BRD4: variants seen among roughly 807,000 people sequenced by gnomAD.
BRD4 encodes bromodomain-containing protein 4.
In BRD4, 16 loss-of-function variants were observed where a neutral mutation model predicts 142.1. That is an observed-to-expected ratio of 0.11 (90% confidence interval 0.08 to 0.17). The LOEUF (loss-of-function observed/expected upper bound fraction) is 0.17, where lower values mean the gene tolerates loss of function less well. Among genes scored for constraint, BRD4 ranks in the 10% least tolerant of loss-of-function variants. BRD4 has a pLI of 1.00. For missense variants in BRD4, 1,424 were observed against 1,810.9 expected (o/e 0.79, Z 3.88); for synonymous variants, 833 against 707.5 (o/e 1.18, Z -2.82).
chr19:15,316,724 A>C (rs1200579907), intron 1 of BRD4, among the ~76,000 whole-genome samples: 1 of 152,246 alleles, frequency 6.6e-6, no homozygotes, highest in African/African-American at 2.4e-5. Context: ...ACTCCTCAGG[A>C]GGGAAGCACT....
At chr19:15,295,903 G>A (rs2047818981) in intron 1 of BRD4, among the ~76,000 whole-genome samples, 1 of 152,000 alleles carries the variant, frequency 6.6e-6, no homozygotes, top group African/African-American at 2.4e-5. Flanking sequence ...CCCGGCAAGT[G>A]GAGGTTGCAG....
chr19:15,261,983 A>G (rs2047476079), intron 7 of BRD4, among the ~76,000 whole-genome samples: 1 of 152,258 alleles, frequency 6.6e-6, no homozygotes. Context: ...AGTAAGAAAG[A>G]GACCAACAAA....
At chr19:15,287,788 T>C (rs1213817176) in intron 1 of BRD4, among the ~76,000 whole-genome samples, 1 of 152,112 alleles carries the variant, frequency 6.6e-6, no homozygotes, top group Non-Finnish European at 1.5e-5. Context: ...TTTTTTTTTT[T>C]TGAGACAGTC....
intron 1 of BRD4, among the ~76,000 whole-genome samples, chr19:15,308,423 C>T (rs766384193): frequency 5.3e-5 from 8 of 150,862 alleles, no homozygotes; most frequent in Non-Finnish European, 1.0e-4. Context: ...CCTGTCTCTA[C>T]TAAAAATACA....
Position 15,237,872 on chromosome 19 carries a change from G to A in BRD4, c.*505C>T, listed in dbSNP as rs1430906555. On this transcript the variant is annotated 3_prime_UTR_variant, in exon 20 of 20. Coordinates refer to ENST00000679869, the MANE Select transcript of BRD4 (RefSeq NM_001379291.1). ...TCAAGGCAAAGTCAGTGCCAGCGAG[G>A]GGGTGGGCCGGCCTCGCCCGCCTCC... The A allele has an allele frequency of 8.4e-6, 2 of 238,084 alleles. No individual in the cohort carries two copies. The highest frequency in any genetic ancestry group is 2.2e-5 in the African/African-American group (1 of 45,346). The allele number at this position is 238,084 out of a possible 1,614,324, so 14.7% of individuals were successfully genotyped here.
At chr19:15,250,978 T>C (rs2145547570) in intron 11 of BRD4, among the ~76,000 whole-genome samples, 1 of 152,162 alleles carries the variant, frequency 6.6e-6, no homozygotes, top group South Asian at 2.1e-4. Flanking sequence ...CAATACAGAA[T>C]CCTCAAGCAG....
intron 1 of BRD4, among the ~76,000 whole-genome samples, chr19:15,316,357 G>A (rs1435243899): frequency 2.0e-5 from 3 of 151,906 alleles, no homozygotes; most frequent in African/African-American, 4.8e-5. Context: ...GTGAAGGCCC[G>A]GAGCGGTGGA....
intron 5 of BRD4, 147 bp downstream of exon 5, chr19:15,265,207 T>C (rs1489022533): frequency 1.2e-6 from 1 of 813,858 alleles, no homozygotes; most frequent in African/African-American, 1.7e-5. Flanking sequence ...GGCGGCTGTT[T>C]CTGGGCTGCA....
At chr19:15,245,281 C>G (rs903778489) in intron 11 of BRD4, among the ~76,000 whole-genome samples, 1 of 152,144 alleles carries the variant, frequency 6.6e-6, no homozygotes, top group Non-Finnish European at 1.5e-5. Context: ...AGGCCCACTC[C>G]TTTCCATCCT....
intron 1 of BRD4, among the ~76,000 whole-genome samples, chr19:15,317,446 A>G (rs544049932): frequency 3.3e-5 from 5 of 152,236 alleles, no homozygotes; most frequent in Non-Finnish European, 7.3e-5. Context: ...TGCAGTAAGC[A>G]ATAGAAAAAA....
intron 2 of BRD4, 107 bp from the exon 3 acceptor site, chr19:15,269,149 T>C: frequency 7.8e-7 from 1 of 1,282,138 alleles, no homozygotes; most frequent in Non-Finnish European, 1.1e-6. Flanking sequence ...GCTCCACAGG[T>C]AAATCCACGG....
In BRD4 at chr19:15,238,644, C is replaced by T; in HGVS notation, c.4020+99G>A. ...CATGCCGACCAGCAGGGACGGGGCTCCCCCGCTGCCCCTCCCTGTCCAGGC... is the reference window on the plus strand; with the variant it reads ...CATGCCGACCAGCAGGGACGGGGCTTCCCCGCTGCCCCTCCCTGTCCAGGC... On this transcript the variant is annotated intron_variant, in intron 19 of 19. Coordinates refer to ENST00000679869, the MANE Select transcript of BRD4 (RefSeq NM_001379291.1). The surrounding 1 kb of genome is among the most constrained non-coding windows in gnomAD (Gnocchi z 7.2). 3 of 1,453,028 alleles carry T rather than the reference C, an allele frequency of 2.1e-6. No homozygotes were observed. Among genetic ancestry groups the T allele is most frequent in the Non-Finnish European group, 2.7e-6 (3 of 1,099,782 alleles). The allele number at this position is 1,453,028 out of a possible 1,614,324, so 90.0% of individuals were successfully genotyped here.
chr19:15,264,653 C>T lies in BRD4; in HGVS notation c.963G>A (p.Arg321=). 6.2e-7 allele frequency: 1 copy of T among 1,613,808 alleles called. No homozygotes were observed. Among genetic ancestry groups the T allele is most frequent in the Admixed American group, 1.7e-5 (1 of 60,024 alleles). Reference sequence around the variant, plus strand: ...GTTTCACAGGCCGGCTGCTCTCCCGCCGCTGGCCCAGCTTGGTGGTCTTGG... The same window carrying T: ...GTTTCACAGGCCGGCTGCTCTCCCGTCGCTGGCCCAGCTTGGTGGTCTTGG... The part of the protein sequence containing the change: ...PEPKTTKLGQ[R]RESSRPVKPP... Residue 321 remains arginine, a synonymous_variant, in exon 6 of 20, where the codon CGG becomes CGA. Transcript: ENST00000679869.
chr19:15,309,304 C>A (rs180948489), intron 1 of BRD4, among the ~76,000 whole-genome samples: 1 of 146,280 alleles, frequency 6.8e-6, no homozygotes, highest in Non-Finnish European at 1.5e-5. Flanking sequence ...TGCCACTGTA[C>A]TCCAGCCTGG....
At chr19:15,306,725 T>C (rs1360615296) in intron 1 of BRD4, among the ~76,000 whole-genome samples, 3 of 152,128 alleles carry the variant, frequency 2.0e-5, no homozygotes, top group Admixed American at 1.3e-4. Flanking sequence ...AGATGGGAAA[T>C]AGTCAGTAGC....
In BRD4 at chr19:15,239,918, T is replaced by C; in HGVS notation, c.3274A>G (p.Lys1092Glu). ...CCAGCCCTGCCAGTTACCTGTTTCT[T>C]AGGCTGGACGTTTTGCTGGGGTGGA... is the stretch of plus-strand genomic sequence containing the variant. ...QSPPQQNVQP[K>E]KQELRAASVV... is the part of the protein sequence containing the mutation. The change falls in exon 15 of 20, where the codon AAG (lysine) becomes GAG (glutamate). Residue 1092 changes from lysine to glutamate, a missense_variant. Around this residue, in one of 16 missense-constraint regions of BRD4, gnomAD observed 598 missense variants for 647.8 expected, o/e 0.92. Coordinates refer to ENST00000679869, the MANE Select transcript of BRD4 (RefSeq NM_001379291.1). The surrounding 1 kb of genome is among the most constrained non-coding windows in gnomAD (Gnocchi z 7.4). 6.2e-7 allele frequency: 1 copy of C among 1,613,994 alleles called. No individual in the cohort carries two copies. Among genetic ancestry groups the C allele is most frequent in the Non-Finnish European group, 8.5e-7 (1 of 1,179,972 alleles).
chr19:15,240,676 C>A (rs2047231558), intron 14 of BRD4, among the ~76,000 whole-genome samples: 1 of 152,216 alleles, frequency 6.6e-6, no homozygotes, highest in Non-Finnish European at 1.5e-5. Flanking sequence ...CAACCCAAGG[C>A]TGGGAAGGAT....
chr19:15,318,741 T>G (rs2048036819), intron 1 of BRD4, among the ~76,000 whole-genome samples: 1 of 152,110 alleles, frequency 6.6e-6, no homozygotes, highest in East Asian at 1.9e-4. Flanking sequence ...CAACAGCAAA[T>G]CATGGAGACA....
In BRD4 at chr19:15,262,862, A is replaced by T. The variant is rs186516517; in HGVS notation, c.1341+558T>A. Among the ~76,000 whole-genome samples the T allele has an allele frequency of 4.6e-5, 7 of 152,248 alleles. No individual in the cohort carries two copies. The East Asian group carries it at 9.6e-4, about 21-fold the overall frequency. Reference sequence around the variant, plus strand: ...TTAGGTATTTTTCCTTTTTTAAAAAAATTAAGTTTACACATCTATGCTGTA... The same window carrying T: ...TTAGGTATTTTTCCTTTTTTAAAAATATTAAGTTTACACATCTATGCTGTA... On this transcript the variant is annotated intron_variant, in intron 7 of 19. Coordinates refer to ENST00000679869, the MANE Select transcript of BRD4 (RefSeq NM_001379291.1).
Sources: gnomAD v4.1 joint callset for allele counts (sites outside exome capture counted in the v4.1 genomes callset) on GRCh38, gnomAD v4.1.1 for gene constraint, gnomAD v4.1.1 regional missense constraint, Gnocchi (gnomAD v3.1) non-coding constraint, MANE v1.5 for transcripts, NCBI Gene and HGNC (gene_info 2026-07-23, HGNC 2026-07-21) for gene names.